The following CNTNAP2 variants were observed in gnomAD, a reference collection of about 807,000 sequenced individuals.
CNTNAP2 encodes the protein contactin-associated protein-like 2.
In CNTNAP2, 98 loss-of-function variants were observed where a neutral mutation model predicts 155.2. That is an observed-to-expected ratio of 0.63 (90% CI 0.54 to 0.75). The LOEUF (loss-of-function observed/expected upper bound fraction) is 0.75. Among genes scored for constraint, CNTNAP2 ranks in the 30% least tolerant of loss-of-function variants. CNTNAP2 has a pLI of 0.00. For missense variants in CNTNAP2, 1,727 were observed against 1,688.1 expected (o/e 1.02, Z -0.40); for synonymous variants, 651 against 631.2 (o/e 1.03, Z -0.47).
intron 15 of CNTNAP2, among the ~76,000 whole-genome samples, chr7:148,025,107 G>A (rs558182937): frequency 2.6e-5 from 4 of 152,286 alleles, no homozygotes; most frequent in African/African-American, 7.2e-5. Flanking sequence ...TATGGGAGGG[G>A]CCTGAATTCT....
chr7:148,228,686 A>G (rs1585202213), intron 19 of CNTNAP2, among the ~76,000 whole-genome samples: 1 of 145,136 alleles, frequency 6.9e-6, no homozygotes, highest in Non-Finnish European at 1.5e-5. Context: ...AAATTAGCCC[A>G]GCGTGGTAGC....
At chr7:146,199,572 G>A (rs1169131252) in intron 1 of CNTNAP2, among the ~76,000 whole-genome samples, 1 of 152,192 alleles carries the variant, frequency 6.6e-6, no homozygotes, top group Non-Finnish European at 1.5e-5. Flanking sequence ...CACATGACTG[G>A]AAGGAAAATA....
intron 13 of CNTNAP2, among the ~76,000 whole-genome samples, chr7:147,784,381 C>CATATAT (rs60221349): frequency 0.012 from 1,182 of 99,176 alleles, 35 homozygotes; most frequent in African/African-American, 0.032. Context: ...AAACTAAAAA[C>CATATAT]ATATATATAT....
intron 1 of CNTNAP2, among the ~76,000 whole-genome samples, chr7:146,635,807 A>G (rs1799588188): frequency 2.5e-5 from 1 of 40,644 alleles, no homozygotes; most frequent in Non-Finnish European, 6.6e-5. Flanking sequence ...ACTCATCTCT[A>G]AAAAAAAAAA....
intron 13 of CNTNAP2, among the ~76,000 whole-genome samples, chr7:147,827,453 C>A (rs764357423): frequency 1.3e-5 from 2 of 151,706 alleles, no homozygotes; most frequent in Non-Finnish European, 2.9e-5. Flanking sequence ...TAGCACATAA[C>A]AAAAAAAATT....
chr7:147,579,395 A>G (rs1472313641), intron 12 of CNTNAP2, among the ~76,000 whole-genome samples: 1 of 152,174 alleles, frequency 6.6e-6, no homozygotes, highest in Non-Finnish European at 1.5e-5. Context: ...CACACATAAA[A>G]TCTGATTGTG....
intron 10 of CNTNAP2, among the ~76,000 whole-genome samples, chr7:147,455,549 T>C (rs1050806158): frequency 2.6e-5 from 4 of 152,082 alleles, no homozygotes; most frequent in Admixed American, 1.3e-4. Context: ...AACAAATAAC[T>C]CTTTGGAAGC....
chr7:148,368,636 G>GGTTT lies in CNTNAP2; in HGVS notation c.3476-15012_3476-15009dup, dbSNP rs531424427. Among the ~76,000 whole-genome samples the GGTTT allele has an allele frequency of 3.5e-3, 540 of 152,302 alleles. 4 individuals are homozygous for GGTTT. Among genetic ancestry groups the GGTTT allele is most frequent in the African/African-American group, 0.013 (522 of 41,564 alleles). On this transcript the variant is annotated intron_variant, in intron 21 of 23. Coordinates refer to ENST00000361727, the MANE Select transcript of CNTNAP2 (RefSeq NM_014141.6). ...CAGACACCAAGTTAAAGAAGGAAGA[G>GGTTT]GTTTATTCAGCCGGGAGCATCGGCA...
intron 12 of CNTNAP2, among the ~76,000 whole-genome samples, chr7:147,600,163 C>T (rs1800916441): frequency 6.6e-6 from 1 of 152,184 alleles, no homozygotes; most frequent in South Asian, 2.1e-4. Flanking sequence ...TTTCATCCAC[C>T]ACTGATCTGT....
chr7:148,384,521 C>T (rs1799147413), intron 22 of CNTNAP2, among the ~76,000 whole-genome samples: 1 of 152,216 alleles, frequency 6.6e-6, no homozygotes, highest in Non-Finnish European at 1.5e-5. Flanking sequence ...TAAGCTGTAT[C>T]TCAGGAGACT....
intron 1 of CNTNAP2, among the ~76,000 whole-genome samples, chr7:146,248,479 C>G (rs974563838): frequency 1.4e-4 from 21 of 152,116 alleles, no homozygotes; most frequent in African/African-American, 5.1e-4. Context: ...GCTGCCTTCC[C>G]TAGTCCATGA....
chr7:148,022,413 G>A (rs1180245166), intron 15 of CNTNAP2, among the ~76,000 whole-genome samples: 1 of 150,428 alleles, frequency 6.6e-6, no homozygotes, highest in Non-Finnish European at 1.5e-5. Context: ...AAGTTGCAGT[G>A]AGCCGAGATC....
intron 1 of CNTNAP2, among the ~76,000 whole-genome samples, chr7:146,227,045 A>G (rs1448416649): frequency 2.0e-5 from 3 of 152,176 alleles, no homozygotes; most frequent in Non-Finnish European, 4.4e-5. Context: ...TATGAGCCCA[A>G]TTTTTTAAGA....
intron 15 of CNTNAP2, among the ~76,000 whole-genome samples, chr7:147,987,183 G>A (rs924574470): frequency 5.9e-5 from 9 of 152,306 alleles, no homozygotes; most frequent in Admixed American, 5.9e-4. Context: ...TACAAATGCT[G>A]TAGCTTTTAC....
chr7:146,321,140 C>T (rs895375429), intron 1 of CNTNAP2, among the ~76,000 whole-genome samples: 12 of 151,918 alleles, frequency 7.9e-5, no homozygotes, highest in South Asian at 2.1e-4. Flanking sequence ...GATGATGATG[C>T]GCTTATTAGG....
At chr7:148,344,466 C>A (rs914416150) in intron 21 of CNTNAP2, among the ~76,000 whole-genome samples, 3 of 152,184 alleles carry the variant, frequency 2.0e-5, no homozygotes, top group African/African-American at 7.2e-5. Flanking sequence ...CCTATTCCCT[C>A]ATGCTGTTTT....
intron 1 of CNTNAP2, among the ~76,000 whole-genome samples, chr7:146,752,046 T>C (rs891182480): frequency 6.6e-6 from 1 of 152,160 alleles, no homozygotes; most frequent in Non-Finnish European, 1.5e-5. Context: ...TTCTGTTGGT[T>C]CCAGGTCTTT....
chr7:146,568,083 C>G (rs1484747944), intron 1 of CNTNAP2, among the ~76,000 whole-genome samples: 1 of 152,152 alleles, frequency 6.6e-6, no homozygotes, highest in Non-Finnish European at 1.5e-5. Context: ...GTATGATCAG[C>G]CAGGGCACCA....
At chr7:146,940,812 T>G (rs1387466896) in intron 3 of CNTNAP2, among the ~76,000 whole-genome samples, 1 of 142,870 alleles carries the variant, frequency 7.0e-6, no homozygotes, top group Non-Finnish European at 1.6e-5. Flanking sequence ...TATATATGTG[T>G]GTGTGTGTAT....
Sources: gnomAD v4.1 joint callset for allele counts (sites outside exome capture counted in the v4.1 genomes callset) on GRCh38, gnomAD v4.1.1 for gene constraint, MANE v1.5 for transcripts, NCBI Gene and HGNC (gene_info 2026-07-23, HGNC 2026-07-21) for gene names.